TVP23A: variants seen among roughly 807,000 people sequenced by gnomAD.
TVP23A encodes trans-golgi network vesicle protein 23 homolog A.
TVP23A carries 21 observed loss-of-function variants against 31.7 expected under a neutral mutation model. The observed-to-expected ratio is 0.66, with a 90% CI of 0.47 to 0.95. The LOEUF (loss-of-function observed/expected upper bound fraction) is 0.95, where lower values mean the gene tolerates loss of function less well. Among genes scored for constraint, TVP23A ranks in the 40% least tolerant of loss-of-function variants. TVP23A has a pLI of 0.00. For missense variants in TVP23A, 279 were observed against 255.6 expected, an observed-to-expected ratio of 1.09 and a Z score of -0.62; for synonymous variants, 104 against 96.0, an observed-to-expected ratio of 1.08 and a Z score of -0.49.
Position 10,767,834 on chromosome 16 carries a change from G to C in TVP23A, c.*1268C>G. ...TTTTCTACTTTGTTCTTCATTACGA[G>C]TGAAGCGGGCTCAAGATCTTCCCAT... On this transcript the variant is annotated 3_prime_UTR_variant, in exon 8 of 8. Coordinates refer to ENST00000299866, the MANE Select transcript of TVP23A (RefSeq NM_001079512.4). This position sits in a 1 kb window ranked among gnomAD's most constrained non-coding sequence, Gnocchi z 4.6. The C allele has an allele frequency of 1.1e-6, 1 of 950,202 alleles. No homozygotes were observed. The highest frequency in any genetic ancestry group is 1.7e-6 in the Non-Finnish European group (1 of 598,766). The allele number at this position is 950,202 out of a possible 1,614,324, so 58.9% of individuals were successfully genotyped here. A position where few individuals can be genotyped will look rare whatever the true frequency, so the allele number is the denominator to read the frequency against.
intron 2 of TVP23A, among the ~76,000 whole-genome samples, chr16:10,811,295 A>T (rs2034188494): frequency 6.6e-6 from 1 of 152,120 alleles, no homozygotes; most frequent in South Asian, 2.1e-4. Flanking sequence ...TTGAGACAGG[A>T]TCTTGCTCTG....
chr16:10,762,383 A>G (rs2030061415), downstream of TVP23A, among the ~76,000 whole-genome samples: 1 of 152,192 alleles, frequency 6.6e-6, no homozygotes, highest in Non-Finnish European at 1.5e-5. Context: ...TGGGTCTCCC[A>G]GGATCCCAAG....
At chr16:10,798,815 C>T (rs1233807046) in intron 2 of TVP23A, among the ~76,000 whole-genome samples, 1 of 152,088 alleles carries the variant, frequency 6.6e-6, no homozygotes, top group Non-Finnish European at 1.5e-5. Context: ...AGGCACACAC[C>T]ACCACACCCA....
At position 10,770,309 on chromosome 16, in the gene TVP23A, T is replaced by C; in HGVS notation, c.605A>G (p.Lys202Arg). ...AATCTCCAGCCCCTCGAGGCCAGGC[T>C]TCTGAAAGTCACCTGGGCAGGCCTG... The part of the protein sequence containing the change: ...FQTACPGDFQ[K>R]PGLEGLEIHQ... The change falls in exon 7 of 8, where the codon AAG becomes AGG. Residue 202 changes from lysine (K) to arginine (R), a missense_variant. By Grantham distance (26) the Lys-to-Arg change is conservative. Transcript: ENST00000299866. 1 of 1,551,238 alleles carries C rather than the reference T, an allele frequency of 6.4e-7. No homozygotes were observed. The highest frequency in any genetic ancestry group is 1.4e-5 in the African/African-American group (1 of 73,092).
chr16:10,764,980 G>C (rs2030650173), downstream of TVP23A: 1 of 168,864 alleles, frequency 5.9e-6, no homozygotes. Context: ...GGGCATTCCT[G>C]AGCCCACTTA....
intron 2 of TVP23A, among the ~76,000 whole-genome samples, chr16:10,790,420 G>T (rs1235546898): frequency 6.6e-6 from 1 of 151,904 alleles, no homozygotes; most frequent in Admixed American, 6.6e-5. Flanking sequence ...GAGTAGCTGG[G>T]ACTACAGGCG....
downstream of TVP23A, chr16:10,766,666 A>G (rs1014940457): frequency 6.6e-6 from 2 of 301,486 alleles, no homozygotes; most frequent in Non-Finnish European, 1.2e-5. This position sits in a 1 kb window ranked among gnomAD's most constrained non-coding sequence, Gnocchi z 4.8. Flanking sequence ...ATTGGACAAA[A>G]CGCACAAAGA....
chr16:10,769,805 A>G (rs563733748), intron 7 of TVP23A, among the ~76,000 whole-genome samples: 3 of 152,282 alleles, frequency 2.0e-5, no homozygotes, highest in Admixed American at 2.0e-4. Context: ...AAAAAGAGGG[A>G]CAGATGTAAA....
At chr16:10,794,777 C>T (rs1315210504) in intron 2 of TVP23A, among the ~76,000 whole-genome samples, 3 of 152,054 alleles carry the variant, frequency 2.0e-5, no homozygotes, top group East Asian at 1.9e-4. Flanking sequence ...GAGAGGGGGC[C>T]ACCTGTCCTA....
Position 10,779,837 on chromosome 16 carries a change from C to T in TVP23A, c.90-4741G>A, listed in dbSNP as rs2032311325. 6.6e-6 allele frequency among the ~76,000 whole-genome samples: 1 copy of T among 152,188 alleles called. No individual in the cohort carries two copies. Among genetic ancestry groups the T allele is most frequent in the Admixed American group, 6.5e-5 (1 of 15,280 alleles). On this transcript the variant is annotated intron_variant, in intron 2 of 7. Transcript: ENST00000299866. The surrounding 1 kb of genome is among the most constrained non-coding windows in gnomAD (Gnocchi z 4.9). ...GGGCGGTGGCTCACGCCTGTAATCC[C>T]CAGCCCTTTGGGAAGCTGAGGCAGG...
At chr16:10,770,172 CAG>C (rs2031463260) in intron 7 of TVP23A, 98 bp downstream of exon 7, 7 of 1,454,150 alleles carry the variant, frequency 4.8e-6, no homozygotes, top group African/African-American at 2.9e-5. Flanking sequence ...CCCCAGGGAA[CAG>C]GGGAAGCCCA....
downstream of TVP23A, chr16:10,761,686 T>C: frequency 7.9e-7 from 1 of 1,262,370 alleles, no homozygotes; most frequent in Non-Finnish European, 1.1e-6. Context: ...TTTAAGTTTC[T>C]TTAAAATGTG....
chr16:10,775,721 C>T (rs548840873), intron 2 of TVP23A, among the ~76,000 whole-genome samples: 47 of 150,462 alleles, frequency 3.1e-4, no homozygotes, highest in African/African-American at 1.1e-3. Context: ...GGGGAACATG[C>T]TCATCCTGTG....
chr16:10,792,266 G>T (rs1298314871), intron 2 of TVP23A, among the ~76,000 whole-genome samples: 1 of 152,170 alleles, frequency 6.6e-6, no homozygotes, highest in East Asian at 1.9e-4. Flanking sequence ...ACGAGACAAT[G>T]AACCCCAGGT....
intron 2 of TVP23A, among the ~76,000 whole-genome samples, chr16:10,790,279 A>ATTTTTTT (rs376916439): frequency 9.6e-5 from 11 of 114,534 alleles, no homozygotes; most frequent in East Asian, 2.6e-4. Flanking sequence ...TTGGGGTAAA[A>ATTTTTTT]TTTTTTTTTT....
intron 2 of TVP23A, among the ~76,000 whole-genome samples, chr16:10,803,268 T>TGTGTGTGTGTGTGC (rs2033791766): frequency 1.3e-5 from 2 of 151,302 alleles, no homozygotes; most frequent in African/African-American, 4.9e-5. Flanking sequence ...TGTGTGTGTG[T>TGTGTGTGTGTGTGC]GTGTGTGTGT....
At chr16:10,802,241 CGTGTGT>C (rs61036988) in intron 2 of TVP23A, among the ~76,000 whole-genome samples, 32,964 of 130,162 alleles carry the variant, frequency 0.25, 4,229 homozygotes, top group Admixed American at 0.33. Flanking sequence ...TTATATGATA[CGTGTGT>C]GTGTGTGTGT....
chr16:10,800,983 C>T (rs1362348015), intron 2 of TVP23A, among the ~76,000 whole-genome samples: 11 of 151,986 alleles, frequency 7.2e-5, no homozygotes, highest in Admixed American at 5.9e-4. Context: ...AGAGCAAGAC[C>T]CTGTCTCAAA....
At chr16:10,792,599 A>T in intron 2 of TVP23A, among the ~76,000 whole-genome samples, 1 of 152,262 alleles carries the variant, frequency 6.6e-6, no homozygotes, top group South Asian at 2.1e-4. Context: ...AACAAAGCAG[A>T]AAGGACTTAA....
Sources: gnomAD v4.1 joint callset for allele counts (sites outside exome capture counted in the v4.1 genomes callset) on GRCh38, gnomAD v4.1.1 for gene constraint, Gnocchi (gnomAD v3.1) non-coding constraint, MANE v1.5 for transcripts, NCBI Gene and HGNC (gene_info 2026-07-23, HGNC 2026-07-21) for gene names.